The following TMEM132D variants were observed in gnomAD, a reference collection of about 807,000 sequenced individuals.
TMEM132D encodes mature OL transmembrane protein.
TMEM132D carries 21 observed loss-of-function variants against 62.3 expected under a neutral mutation model. The observed-to-expected ratio is 0.34, with a 90% CI of 0.24 to 0.49. The LOEUF is 0.49. Ranked by LOEUF, TMEM132D falls within the 20% of genes least tolerant of loss-of-function variation. TMEM132D has a pLI of 0.99. For missense variants in TMEM132D, 1,346 were observed against 1,402.8 expected, an observed-to-expected ratio of 0.96 and a Z score of 0.65; for synonymous variants, 621 against 575.6, an observed-to-expected ratio of 1.08 and a Z score of -1.13.
chr12:129,129,343 C>A (rs1876303813), intron 5 of TMEM132D, among the ~76,000 whole-genome samples: 1 of 152,204 alleles, frequency 6.6e-6, no homozygotes, highest in Non-Finnish European at 1.5e-5. Context: ...TTTATAGCTG[C>A]ATAGTATTCC....
chr12:129,287,804 A>G (rs941659307), intron 4 of TMEM132D, among the ~76,000 whole-genome samples: 1 of 152,194 alleles, frequency 6.6e-6, no homozygotes, highest in Non-Finnish European at 1.5e-5. Context: ...TGAAGAGACT[A>G]TCCGTTTCCC....
intron 2 of TMEM132D, among the ~76,000 whole-genome samples, chr12:129,622,539 G>C (rs1485579408): frequency 1.3e-5 from 2 of 152,114 alleles, no homozygotes; most frequent in African/African-American, 4.8e-5. Flanking sequence ...ATATAGAAAA[G>C]TCCAGGTCAC....
rs1438832059 is a variant in TMEM132D at position 129,531,109 on chromosome 12, A to G, written c.1065T>C (p.Tyr355=). 1.2e-6 allele frequency: 2 copies of G among 1,613,916 alleles called. No individual in the cohort carries two copies. Among genetic ancestry groups the G allele is most frequent in the Non-Finnish European group, 1.7e-6 (2 of 1,179,968 alleles). The change falls in exon 3 of 9, where the codon TAT becomes TAC. Residue 355 remains tyrosine (Y), a synonymous_variant. Transcript: ENST00000422113. The stretch of plus-strand genomic sequence containing the variant: ...TCTGACAAACGATGACAGCTGGTGC[A>G]TACTTTCCAGTATAATCCGTGCGCT... ...VKERTDYTGK[Y]APAVIVCQKK... is the part of the protein sequence containing the mutation.
At chr12:129,395,909 T>C (rs971171102) in intron 3 of TMEM132D, among the ~76,000 whole-genome samples, 1 of 146,976 alleles carries the variant, frequency 6.8e-6, no homozygotes, top group African/African-American at 2.5e-5. Flanking sequence ...ATATACTATA[T>C]AATACATTAT....
chr12:129,627,154 A>G (rs1253911746), intron 2 of TMEM132D, among the ~76,000 whole-genome samples: 1 of 152,210 alleles, frequency 6.6e-6, no homozygotes, highest in Non-Finnish European at 1.5e-5. Flanking sequence ...GAACTAGGCA[A>G]GAGAGCAGTT....
At chr12:129,519,754 G>A (rs1314059990) in intron 3 of TMEM132D, among the ~76,000 whole-genome samples, 3 of 151,826 alleles carry the variant, frequency 2.0e-5, no homozygotes, top group African/African-American at 7.3e-5. Context: ...GATTACAGGT[G>A]CCCACCACCA....
chr12:129,850,143 C>T (rs1275202208), intron 1 of TMEM132D, among the ~76,000 whole-genome samples: 1 of 152,152 alleles, frequency 6.6e-6, no homozygotes, highest in Non-Finnish European at 1.5e-5. Flanking sequence ...AGGCCCAAGT[C>T]TGAAAGAAGT....
chr12:129,644,984 T>TAAAAAA (rs749612311), intron 2 of TMEM132D, among the ~76,000 whole-genome samples: 27 of 63,408 alleles, frequency 4.3e-4, no homozygotes, highest in Non-Finnish European at 5.0e-4. Flanking sequence ...ATAGTCCATC[T>TAAAAAA]AAAAAAAAAA....
chr12:129,398,216 A>T (rs1424080003), intron 3 of TMEM132D, among the ~76,000 whole-genome samples: 1 of 152,214 alleles, frequency 6.6e-6, no homozygotes, highest in African/African-American at 2.4e-5. Context: ...TTTGTTTAAA[A>T]GAAGTCTGGA....
intron 4 of TMEM132D, among the ~76,000 whole-genome samples, chr12:129,246,165 A>G (rs1880102017): frequency 6.6e-6 from 1 of 152,162 alleles, no homozygotes; most frequent in South Asian, 2.1e-4. Context: ...TAAACCGAAT[A>G]TTGCTGCTGT....
intron 1 of TMEM132D, among the ~76,000 whole-genome samples, chr12:129,810,624 C>T (rs1178440118): frequency 6.6e-6 from 1 of 151,792 alleles, no homozygotes. Context: ...TAGAGCGGCC[C>T]CCAAAATACC....
At chr12:129,306,671 G>GAGA (rs1881853277) in intron 4 of TMEM132D, among the ~76,000 whole-genome samples, 1 of 152,206 alleles carries the variant, frequency 6.6e-6, no homozygotes, top group Non-Finnish European at 1.5e-5. Context: ...TCCTACAGCA[G>GAGA]AGAAGTCTGC....
intron 1 of TMEM132D, among the ~76,000 whole-genome samples, chr12:129,829,351 C>T (rs566153187): frequency 1.4e-4 from 22 of 152,222 alleles, no homozygotes; most frequent in Admixed American, 1.1e-3. Flanking sequence ...TTCCTCTTCC[C>T]GGGAATTTAG....
intron 4 of TMEM132D, among the ~76,000 whole-genome samples, chr12:129,312,281 C>T (rs1183099588): frequency 1.1e-4 from 16 of 152,040 alleles, no homozygotes; most frequent in Admixed American, 1.0e-3. Context: ...GTTTCAGGAA[C>T]TGGATGGAGT....
In TMEM132D at chr12:129,791,449, G is replaced by C. The variant is rs1871398286; in HGVS notation, c.80-90751C>G. ...CTTTTTAAGATAAATATTGGTTTTAGAGCAAAACAGTAGAGAATAATACAG... is the reference window on the plus strand; with the variant it reads ...CTTTTTAAGATAAATATTGGTTTTACAGCAAAACAGTAGAGAATAATACAG... On this transcript the variant is annotated intron_variant, in intron 1 of 8. Coordinates refer to ENST00000422113, the MANE Select transcript of TMEM132D (RefSeq NM_133448.3). Among the ~76,000 whole-genome samples, 3 of 152,252 alleles carry C rather than the reference G, an allele frequency of 2.0e-5. 1 individual carries two copies. Among genetic ancestry groups the C allele is most frequent in the Non-Finnish European group, 4.4e-5 (3 of 68,016 alleles).
chr12:129,735,590 A>G (rs1869396701), intron 1 of TMEM132D, among the ~76,000 whole-genome samples: 1 of 152,220 alleles, frequency 6.6e-6, no homozygotes, highest in Non-Finnish European at 1.5e-5. Context: ...TAGGCCAAAG[A>G]TCTAAATAGA....
intron 3 of TMEM132D, among the ~76,000 whole-genome samples, chr12:129,432,136 T>C (rs1253231865): frequency 1.4e-5 from 2 of 145,598 alleles, no homozygotes; most frequent in African/African-American, 5.2e-5. Context: ...GATGGATGGA[T>C]GGATGGATGG....
chr12:129,707,877 G>T (rs1881543339), intron 1 of TMEM132D, among the ~76,000 whole-genome samples: 1 of 152,012 alleles, frequency 6.6e-6, no homozygotes. Flanking sequence ...TAAATATCAA[G>T]AAAAAAATAA....
intron 3 of TMEM132D, among the ~76,000 whole-genome samples, chr12:129,444,306 C>T (rs958318224): frequency 6.6e-6 from 1 of 152,120 alleles, no homozygotes; most frequent in African/African-American, 2.4e-5. Context: ...AAGAAACTAC[C>T]AGCAGAGTAA....
Sources: allele counts gnomAD v4.1 joint callset (sites outside exome capture counted in the v4.1 genomes callset), GRCh38; gene constraint gnomAD v4.1.1; transcripts MANE v1.5; gene names NCBI Gene and HGNC (gene_info 2026-07-23, HGNC 2026-07-21).